Variants in PDLIM7 observed in about 807,000 individuals in gnomAD.
The protein encoded by PDLIM7 is PDZ and LIM domain 7.
Under a neutral mutation model 53.9 loss-of-function variants are expected in PDLIM7, and 37 were observed. That is an observed-to-expected ratio of 0.69 (90% CI 0.53 to 0.90). PDLIM7 has a LOEUF of 0.90. Ranked by LOEUF, PDLIM7 falls within the 40% of genes least tolerant of loss-of-function variation. The pLI, the probability that PDLIM7 is intolerant of heterozygous loss-of-function variation, is 0.00. For synonymous variants in PDLIM7, 300 were observed against 261.3 expected (o/e 1.15, Z -1.43); for missense variants, 617 against 638.5 (o/e 0.97, Z 0.36).
At position 177,490,706 on chromosome 5, in the gene PDLIM7, GAGGA is replaced by G. The variant is rs1482806502; in HGVS notation, c.572+160_572+163del. ...GGAAGAAATGAAAGAAGGAAGGAAGGAGGAAGGGAAGGAAGGAAGGAAGGAAGGA... is the reference window on the plus strand; with the variant it reads ...GGAAGAAATGAAAGAAGGAAGGAAGGAGGGAAGGAAGGAAGGAAGGAAGGA... On this transcript the variant is annotated intron_variant, in intron 7 of 12. Coordinates refer to ENST00000355841, the MANE Select transcript of PDLIM7 (RefSeq NM_005451.5). The G allele has an allele frequency of 5.4e-3, 4,886 of 902,918 alleles. 43 individuals are homozygous for G. The highest frequency in any genetic ancestry group is 0.012 in the East Asian group (446 of 36,808). The allele number at this position is 902,918 out of a possible 1,614,324, so 55.9% of individuals were successfully genotyped here.
At chr5:177,489,345 G>A in intron 9 of PDLIM7, 48 bp downstream of exon 9, 1 of 1,379,156 alleles carries the variant, frequency 7.3e-7, no homozygotes, top group African/African-American at 1.4e-5. Context: ...AGGTGGGGCT[G>A]GGCTGCAGGA....
chr5:177,491,079 G>C lies in PDLIM7; in HGVS notation c.466C>G (p.Arg156Gly), dbSNP rs200612945. Residue 156 changes from arginine (R) to glycine (G), a missense_variant, in exon 6 of 13, where the codon CGG (arginine) becomes GGG (glycine). Arg to Gly is a moderately radical substitution (Grantham distance 125). Coordinates refer to ENST00000355841, the MANE Select transcript of PDLIM7 (RefSeq NM_005451.5). ...QRLMENTEDW[R>G]PRPGTGQSRS... Reference sequence around the variant, plus strand: ...GACTGGCCTGTCCCCGGCCGCGGCCGCCAGTCCTCTGTGTTCTCCATCAGC... The same window carrying C: ...GACTGGCCTGTCCCCGGCCGCGGCCCCCAGTCCTCTGTGTTCTCCATCAGC... 1.2e-6 allele frequency: 2 copies of C among 1,611,860 alleles called. No homozygotes were observed. The highest frequency in any genetic ancestry group is 3.3e-5 in the Admixed American group (2 of 59,756).
chr5:177,484,294 G>A, intron 10 of PDLIM7, 104 bp from the exon 11 acceptor site: 2 of 1,414,270 alleles, frequency 1.4e-6, no homozygotes, highest in Non-Finnish European at 1.9e-6. Flanking sequence ...CCTTCTCGCG[G>A]TAAACACTAC....
chr5:177,495,187 G>A (rs1382230650), intron 2 of PDLIM7: 1 of 152,420 alleles, frequency 6.6e-6, no homozygotes, highest in Non-Finnish European at 1.5e-5. Context: ...GTGTGTCATA[G>A]GGCAACCACT....
At chr5:177,492,342 G>A (rs764541886) in intron 4 of PDLIM7, 63 bp downstream of exon 4, 1 of 1,584,766 alleles carries the variant, frequency 6.3e-7, no homozygotes, top group South Asian at 1.1e-5. Context: ...CCAGGAGGGC[G>A]AGCAGGCCTG....
At position 177,489,543 on chromosome 5, in the gene PDLIM7, C is replaced by T. The variant is rs767875407; in HGVS notation, c.719G>A (p.Ser240Asn). 1 of 1,610,582 alleles carries T rather than the reference C, an allele frequency of 6.2e-7. No individual in the cohort carries two copies. The highest frequency in any genetic ancestry group is 2.2e-5 in the East Asian group (1 of 44,796). The change falls in exon 9 of 13, where the codon AGC becomes AAC. Residue 240 changes from serine to asparagine, a missense_variant. Ser to Asn is a conservative substitution (Grantham distance 46). Coordinates refer to ENST00000355841, the MANE Select transcript of PDLIM7 (RefSeq NM_005451.5). ...CTGGCTGTGCCGGGTCAGCACTGTG[C>T]TCGTTTTGTCCGGGGCATAGCGCTC... The part of the protein sequence containing the change: ...FAERYAPDKT[S>N]TVLTRHSQPA...
Position 177,489,862 on chromosome 5 carries a change from T to C in PDLIM7, c.573-30A>G, listed in dbSNP as rs758974524. 5.0e-5 allele frequency: 79 copies of C among 1,566,100 alleles called. No homozygotes were observed. The Admixed American group carries it at 1.4e-3, about 29-fold the overall frequency. On this transcript the variant is annotated intron_variant, in intron 7 of 12. Transcript: ENST00000355841. ...AAGATCTGCCATTCAAGGCCCTGCA[T>C]GGCTGAGCTTCCTGACATGGCCCCA... is the stretch of plus-strand genomic sequence containing the variant.
chr5:177,492,809 C>A (rs1380933883), intron 2 of PDLIM7, 132 bp from the exon 3 acceptor site: 11 of 1,006,918 alleles, frequency 1.1e-5, no homozygotes, highest in Non-Finnish European at 1.6e-5. Flanking sequence ...CAACATAGTT[C>A]TAGGCAGCTG....
chr5:177,494,700 G>C (rs1758976907), intron 2 of PDLIM7, among the ~76,000 whole-genome samples: 2 of 152,162 alleles, frequency 1.3e-5, no homozygotes, highest in Admixed American at 6.5e-5. Flanking sequence ...AGGCAGGGAG[G>C]GGCTCAAGCC....
chr5:177,494,150 T>C (rs1201916853), intron 2 of PDLIM7, among the ~76,000 whole-genome samples: 1 of 152,174 alleles, frequency 6.6e-6, no homozygotes, highest in Non-Finnish European at 1.5e-5. Context: ...CCTTGTGGAG[T>C]AATCTGGGAT....
In PDLIM7 at chr5:177,496,539, A is replaced by G; in HGVS notation, c.-11-16T>C. On this transcript the variant is annotated splice_polypyrimidine_tract_variant and intron_variant, in intron 1 of 12. Transcript: ENST00000355841. ...ATGCCGGCTCCTGAGAGGAGAGAAG[A>G]GAAGGTGAGTGGCCAGCATGGTGGG... is the stretch of plus-strand genomic sequence containing the variant. 6.5e-7 allele frequency: 1 copy of G among 1,545,426 alleles called. No individual in the cohort carries two copies. Among genetic ancestry groups the G allele is most frequent in the Non-Finnish European group, 8.8e-7 (1 of 1,140,572 alleles).
Position 177,489,822 on chromosome 5 carries a change from TG to T in PDLIM7, c.582del (p.Arg195GlyfsTer49). ...EEHLKKSSQV[P>X]RTEAPAPASS... Reference sequence around the variant, plus strand: ...GAGGCTGGGGCTGGGGCTTCTGTCCTGGGCACCTGGCTGCAAGATCTGCCAT... The same window carrying T: ...GAGGCTGGGGCTGGGGCTTCTGTCCTGGCACCTGGCTGCAAGATCTGCCAT... On this transcript the variant is annotated frameshift_variant, in exon 8 of 13. Transcript: ENST00000355841. LOFTEE classifies it high-confidence loss of function. 1 of 1,584,644 alleles carries T rather than the reference TG, an allele frequency of 6.3e-7. No individual in the cohort carries two copies.
Position 177,492,675 on chromosome 5 carries a change from G to A in PDLIM7, c.99C>T (p.Leu33=). The A allele has an allele frequency of 1.9e-6, 3 of 1,602,022 alleles. No individual in the cohort carries two copies. Among genetic ancestry groups the A allele is most frequent in the South Asian group, 1.1e-5 (1 of 91,068 alleles). ...DFNVPLSISR[L]TPGGKAAQAG... ...CCTGCGCCGCTTTGCCCCCAGGAGT[G>A]AGCTGTGGAGAGAGAAGCAAAGTGA... is the stretch of plus-strand genomic sequence containing the variant. Residue 33 remains leucine (L), a splice_region_variant and synonymous_variant, in exon 3 of 13, where the codon CTC becomes CTT. Transcript: ENST00000355841.
rs1274026048 is a variant in PDLIM7 at position 177,483,640 on chromosome 5, G to A, written c.*4C>T. The A allele has an allele frequency of 6.2e-7, 1 of 1,601,088 alleles. No homozygotes were observed. The highest frequency in any genetic ancestry group is 1.3e-5 in the African/African-American group (1 of 74,818). ...CCACCGCGGCAGCTGTGGGCAGAAG[G>A]GGCTCACACATGAGAGAAGGCATGG... On this transcript the variant is annotated 3_prime_UTR_variant, in exon 13 of 13. Coordinates refer to ENST00000355841, the MANE Select transcript of PDLIM7 (RefSeq NM_005451.5).
intron 4 of PDLIM7, 60 bp downstream of exon 4, chr5:177,492,345 C>G (rs1379607843): frequency 1.9e-5 from 31 of 1,590,750 alleles, no homozygotes; most frequent in Non-Finnish European, 2.5e-5. Context: ...GGAGGGCGAG[C>G]AGGCCTGGCC....
intron 1 of PDLIM7, 133 bp from the exon 2 acceptor site, chr5:177,496,656 A>G (rs942483526): frequency 3.9e-6 from 2 of 509,780 alleles, no homozygotes; most frequent in South Asian, 3.0e-5. Context: ...CCCAAGCCAT[A>G]GGAGGCAGGT....
At chr5:177,496,545 T>C in intron 1 of PDLIM7, 22 bp from the exon 2 acceptor site, 3 of 1,519,780 alleles carry the variant, frequency 2.0e-6, no homozygotes, top group Non-Finnish European at 2.7e-6. Context: ...GAAGAGAAGG[T>C]GAGTGGCCAG....
Position 177,488,206 on chromosome 5 carries a change from C to A in PDLIM7, c.912G>T (p.Glu304Asp), listed in dbSNP as rs1370584221. The A allele has an allele frequency of 1.2e-6, 2 of 1,612,454 alleles. No homozygotes were observed. Among genetic ancestry groups the A allele is most frequent in the Non-Finnish European group, 8.5e-7 (1 of 1,179,580 alleles). ...TCCCACACTGGCTACACACAAACTC[C>A]TCCGGGTGGTACGCGTGGCCCAGCG... ...LVALGHAYHP[E>D]EFVCSQCGKV... The change falls in exon 10 of 13, where the codon GAG becomes GAT. Residue 304 changes from glutamate (E) to aspartate (D), a missense_variant. Physicochemically the swap from Glu to Asp is conservative, Grantham distance 45 (BLOSUM62 2). Transcript: ENST00000355841.
intron 10 of PDLIM7, among the ~76,000 whole-genome samples, chr5:177,485,887 G>A (rs1473841317): frequency 1.3e-5 from 2 of 152,034 alleles, no homozygotes; most frequent in South Asian, 2.1e-4. Context: ...TTGGGAGGCT[G>A]AGGTGGGAGG....
Sources: gnomAD v4.1 joint callset for allele counts (sites outside exome capture counted in the v4.1 genomes callset) on GRCh38, gnomAD v4.1.1 for gene constraint, MANE v1.5 for transcripts, NCBI Gene and HGNC (gene_info 2026-07-23, HGNC 2026-07-21) for gene names.